ME2: variants seen among roughly 807,000 people sequenced by gnomAD.
ME2 encodes the protein NAD-dependent malic enzyme, mitochondrial.
In ME2, 60 loss-of-function variants were observed where a neutral mutation model predicts 73.7. The ratio of observed to expected loss-of-function variants is 0.81; its 90% CI spans 0.66 to 1.01. The LOEUF (loss-of-function observed/expected upper bound fraction) is 1.01, where lower values mean the gene tolerates loss of function less well. Among genes scored for constraint, ME2 ranks in the 50% least tolerant of loss-of-function variants. ME2 has a pLI of 0.00. For synonymous variants in ME2, 199 were observed against 236.9 expected, an observed-to-expected ratio of 0.84 and a Z score of 1.47; for missense variants, 594 against 705.5, an observed-to-expected ratio of 0.84 and a Z score of 1.79.
chr18:50,920,340 C>G lies in ME2; in HGVS notation c.735-116C>G, dbSNP rs546281578. ...CAGGCTCTGAAATTTTTCAGATGGC[C>G]TTAATTGAACTAACATAATACATTA... On this transcript the variant is annotated intron_variant, in intron 7 of 15. Transcript: ENST00000321341. 223 of 681,764 alleles carry G rather than the reference C, an allele frequency of 3.3e-4. 1 individual carries two copies. Among genetic ancestry groups the G allele is most frequent in the Middle Eastern group, 2.3e-3 (7 of 2,990 alleles). The allele number at this position is 681,764 out of a possible 1,614,324, so 42.2% of individuals were successfully genotyped here.
At chr18:50,940,452 T>C in intron 15 of ME2, 66 bp downstream of exon 15, 1 of 1,084,188 alleles carries the variant, frequency 9.2e-7, no homozygotes, top group African/African-American at 1.6e-5. Flanking sequence ...GAAATACAGG[T>C]TTATTAAGAT....
rs1490798799 is a variant in ME2 at position 50,879,182 on chromosome 18, G to A, written c.-139G>A. 2.0e-5 allele frequency: 3 copies of A among 152,294 alleles called. No homozygotes were observed. The highest frequency in any genetic ancestry group is 4.4e-5 in the Non-Finnish European group (3 of 68,130). The allele number at this position is 152,294 out of a possible 1,614,324, so 9.4% of individuals were successfully genotyped here. On this transcript the variant is annotated 5_prime_UTR_variant, in exon 1 of 16. Coordinates refer to ENST00000321341, the MANE Select transcript of ME2 (RefSeq NM_002396.5). ...GCCCGCGCCAGTGTGAGCCTGAGCT[G>A]ACGGCGGCTCCGGGAGGCTCGCAGA... is the stretch of plus-strand genomic sequence containing the variant.
chr18:50,947,256 T>A lies in ME2; in HGVS notation c.*72T>A, dbSNP rs1211261158. On this transcript the variant is annotated 3_prime_UTR_variant, in exon 16 of 16. Coordinates refer to ENST00000321341, the MANE Select transcript of ME2 (RefSeq NM_002396.5). ...TTTCAGACAAGAAGAGATAATGTCT[T>A]CAGTTTTATGGTGTTTTCTGTGTTT... The A allele has an allele frequency of 1.8e-5, 27 of 1,463,722 alleles. No individual in the cohort carries two copies. The highest frequency in any genetic ancestry group is 2.5e-5 in the Non-Finnish European group (27 of 1,071,468). The allele number at this position is 1,463,722 out of a possible 1,614,324, so 90.7% of individuals were successfully genotyped here. A position where few individuals can be genotyped will look rare whatever the true frequency, so the allele number is the denominator to read the frequency against.
intron 11 of ME2, among the ~76,000 whole-genome samples, chr18:50,925,105 T>C (rs1917518100): frequency 2.0e-5 from 3 of 152,206 alleles, no homozygotes; most frequent in Admixed American, 2.0e-4. Flanking sequence ...GCTAATTTTA[T>C]TTAGCATAAT....
Position 50,949,392 on chromosome 18 carries a change from G to A in ME2, c.*2208G>A, listed in dbSNP as rs1440024017. On this transcript the variant is annotated 3_prime_UTR_variant, in exon 16 of 16. Transcript: ENST00000321341. ...GCTGGAGGGCGGTGGCTGTTCACAG[G>A]CGTGGGTCATAGAGCACTGCAGCCT... 1 of 152,292 alleles carries A rather than the reference G, an allele frequency of 6.6e-6. No individual in the cohort carries two copies. The highest frequency in any genetic ancestry group is 1.5e-5 in the Non-Finnish European group (1 of 68,134). The allele number at this position is 152,292 out of a possible 1,614,324, so 9.4% of individuals were successfully genotyped here. A position where few individuals can be genotyped will look rare whatever the true frequency, so the allele number is the denominator to read the frequency against.
At chr18:50,939,810 AT>A in intron 14 of ME2, 170 bp downstream of exon 14, 1 of 551,006 alleles carries the variant, frequency 1.8e-6, no homozygotes, top group Non-Finnish European at 3.2e-6. Flanking sequence ...AATTTTTTTA[AT>A]CATGACTTAA....
At chr18:50,886,348 A>G (rs1329979734) in intron 1 of ME2, among the ~76,000 whole-genome samples, 1 of 150,820 alleles carries the variant, frequency 6.6e-6, no homozygotes, top group Non-Finnish European at 1.5e-5. Context: ...GGTTCAAGAG[A>G]TTCTCATGCC....
At chr18:50,901,990 A>G (rs1304505824) in intron 2 of ME2, among the ~76,000 whole-genome samples, 1 of 152,224 alleles carries the variant, frequency 6.6e-6, no homozygotes, top group Non-Finnish European at 1.5e-5. Flanking sequence ...TTCAAGATGT[A>G]AGATTGTGAA....
intron 1 of ME2, among the ~76,000 whole-genome samples, chr18:50,893,422 C>A (rs2144192992): frequency 6.6e-6 from 1 of 152,196 alleles, no homozygotes; most frequent in East Asian, 1.9e-4. Flanking sequence ...TGAATAAGAC[C>A]ATTCAGATGA....
At chr18:50,930,305 C>T (rs1484399769) in intron 12 of ME2, among the ~76,000 whole-genome samples, 1 of 152,116 alleles carries the variant, frequency 6.6e-6, no homozygotes, top group Non-Finnish European at 1.5e-5. Flanking sequence ...TTTACTTTTA[C>T]ATAAATTCTT....
At chr18:50,939,780 G>T in intron 14 of ME2, 140 bp downstream of exon 14, 1 of 584,594 alleles carries the variant, frequency 1.7e-6, no homozygotes, top group Non-Finnish European at 3.0e-6. Context: ...TTTATGATTT[G>T]CCTATTTATG....
At position 50,903,037 on chromosome 18, in the gene ME2, A is replaced by G. The variant is rs530362856; in HGVS notation, c.109-5026A>G. Among the ~76,000 whole-genome samples, 21 of 152,320 alleles carry G rather than the reference A, an allele frequency of 1.4e-4. No individual in the cohort carries two copies. The South Asian group carries it at 3.3e-3, about 24-fold the overall frequency. ...AAAGTAAAATAGTTCAGGGTCTTTCAGGATCAGCTGGAGGAAGTACACCTC... is the reference window on the plus strand; with the variant it reads ...AAAGTAAAATAGTTCAGGGTCTTTCGGGATCAGCTGGAGGAAGTACACCTC... On this transcript the variant is annotated intron_variant, in intron 2 of 15. Coordinates refer to ENST00000321341, the MANE Select transcript of ME2 (RefSeq NM_002396.5).
chr18:50,927,012 C>T (rs374708971), intron 12 of ME2, among the ~76,000 whole-genome samples: 16 of 152,220 alleles, frequency 1.1e-4, no homozygotes, highest in East Asian at 7.7e-4. Flanking sequence ...AGTCATCTGG[C>T]GCTGTGGAGA....
At chr18:50,884,075 T>C (rs1916395258) in intron 1 of ME2, among the ~76,000 whole-genome samples, 1 of 152,194 alleles carries the variant, frequency 6.6e-6, no homozygotes, top group South Asian at 2.1e-4. Context: ...TGTTTCTGTC[T>C]GTAAGTGTTC....
At chr18:50,939,111 A>C (rs994815668) in intron 13 of ME2, 1 of 148,246 alleles carries the variant, frequency 6.7e-6, no homozygotes, top group Middle Eastern at 3.4e-3. Flanking sequence ...ATGCAAGATC[A>C]GCACAATAAG....
chr18:50,940,737 A>C (rs1917929428), intron 15 of ME2, among the ~76,000 whole-genome samples: 1 of 152,090 alleles, frequency 6.6e-6, no homozygotes, highest in Non-Finnish European at 1.5e-5. Flanking sequence ...CAGTGCTTGG[A>C]TTACTGGCAT....
At chr18:50,930,566 A>T (rs1184524697) in intron 12 of ME2, among the ~76,000 whole-genome samples, 7 of 152,184 alleles carry the variant, frequency 4.6e-5, no homozygotes, top group African/African-American at 1.7e-4. Context: ...TTAATTATTG[A>T]GTTAAATGGG....
At chr18:50,896,886 T>G (rs996915788) in intron 2 of ME2, among the ~76,000 whole-genome samples, 7 of 152,184 alleles carry the variant, frequency 4.6e-5, no homozygotes, top group Non-Finnish European at 1.0e-4. Flanking sequence ...ACAGAATGAG[T>G]TCAGCAAGCA....
At chr18:50,893,124 CAAAAAAA>C (rs56104427) in intron 1 of ME2, among the ~76,000 whole-genome samples, 54 of 78,078 alleles carry the variant, frequency 6.9e-4, no homozygotes, top group African/African-American at 3.1e-3. Flanking sequence ...GACTCTATCT[CAAAAAAA>C]AAAAAAAAAA....
Sources: gnomAD v4.1 joint callset for allele counts (sites outside exome capture counted in the v4.1 genomes callset) on GRCh38, gnomAD v4.1.1 for gene constraint, MANE v1.5 for transcripts, NCBI Gene and HGNC (gene_info 2026-07-23, HGNC 2026-07-21) for gene names.